DIP2C: variants seen among roughly 807,000 people sequenced by gnomAD.
DIP2C encodes disco-interacting protein 2 homolog C.
In DIP2C, 33 loss-of-function variants were observed where a neutral mutation model predicts 192.4. That is an observed-to-expected ratio of 0.17 (90% CI 0.13 to 0.23). The LOEUF is 0.23. Ranked by LOEUF, DIP2C falls within the 10% of genes least tolerant of loss-of-function variation. DIP2C has a pLI of 1.00. For missense variants in DIP2C, 1,537 were observed against 2,110.1 expected, an observed-to-expected ratio of 0.73 and a Z score of 5.32; for synonymous variants, 979 against 864.1, an observed-to-expected ratio of 1.13 and a Z score of -2.33.
intron 2 of DIP2C, among the ~76,000 whole-genome samples, chr10:484,008 C>G (rs1264260277): frequency 6.6e-6 from 1 of 152,118 alleles, no homozygotes; most frequent in Non-Finnish European, 1.5e-5. Flanking sequence ...CGGGGACTCC[C>G]TTTGTTGCCC....
At chr10:397,707 T>C (rs1235345641) in intron 10 of DIP2C, among the ~76,000 whole-genome samples, 1 of 152,196 alleles carries the variant, frequency 6.6e-6, no homozygotes, top group Non-Finnish European at 1.5e-5. Flanking sequence ...ACTTCATGTC[T>C]CTTACAGTTA....
chr10:472,583 G>T, intron 2 of DIP2C, 34 bp from the exon 3 acceptor site: 2 of 1,565,408 alleles, frequency 1.3e-6, no homozygotes, highest in South Asian at 2.2e-5. Context: ...AGTGAGGTGT[G>T]ACTGTACTCA....
At position 308,708 on chromosome 10, in the gene DIP2C, CCTCCTGAGGG is replaced by C. The variant is rs1227411516; in HGVS notation, c.3986+1313_3986+1322del. ...TGCCTCTGGCCCTCAGCCTGCAGGG[CCTCCTGAGGG>C]CTCCTACGTGGCCACCACTCTTCTG... On this transcript the variant is annotated intron_variant, in intron 32 of 36. Transcript: ENST00000280886. Among the ~76,000 whole-genome samples, 100 of 152,350 alleles carry C rather than the reference CCTCCTGAGGG, an allele frequency of 6.6e-4. 1 individual carries two copies. Among genetic ancestry groups the C allele is most frequent in the Non-Finnish European group, 7.3e-5 (5 of 68,030 alleles).
At chr10:419,673 C>G (rs1486386480) in intron 5 of DIP2C, among the ~76,000 whole-genome samples, 2 of 152,138 alleles carry the variant, frequency 1.3e-5, no homozygotes, top group African/African-American at 4.8e-5. Context: ...TGGCCATGAC[C>G]GTGTAGGGTA....
intron 1 of DIP2C, among the ~76,000 whole-genome samples, chr10:593,492 C>CA (rs1471837571): frequency 8.1e-6 from 1 of 124,174 alleles, no homozygotes; most frequent in Non-Finnish European, 1.7e-5. Flanking sequence ...GGGACCCCCC[C>CA]CCCCCCACCC....
In DIP2C at chr10:428,419, GAT is replaced by G. The variant is rs1381705006; in HGVS notation, c.395-5388_395-5387del. Reference sequence around the variant, plus strand: ...GTGTTTATAAAGGAGATTTTCACCGGATATGAGTTGACAGCCCTTTCTTCTCC... The same window carrying G: ...GTGTTTATAAAGGAGATTTTCACCGGATGAGTTGACAGCCCTTTCTTCTCC... On this transcript the variant is annotated intron_variant, in intron 4 of 36. Coordinates refer to ENST00000280886, the MANE Select transcript of DIP2C (RefSeq NM_014974.3). Among the ~76,000 whole-genome samples, 9 of 152,230 alleles carry G rather than the reference GAT, an allele frequency of 5.9e-5. No individual in the cohort carries two copies. In the East Asian group the frequency reaches 1.2e-3, roughly 20 times the overall value.
chr10:412,161 C>T (rs1418347435), intron 8 of DIP2C, among the ~76,000 whole-genome samples: 3 of 152,222 alleles, frequency 2.0e-5, no homozygotes, highest in Admixed American at 6.5e-5. Flanking sequence ...CAGAGAGTGG[C>T]GATCCTTCTG....
In DIP2C at chr10:283,245, G is replaced by T. The variant is rs757914975; in HGVS notation, c.4294+27C>A. The T allele has an allele frequency of 8.2e-6, 13 of 1,582,710 alleles. No homozygotes were observed. In the East Asian group the frequency reaches 8.9e-5, roughly 11 times the overall value. ...CCTAACCTCTCTGCCCATCTGTTGGGGGGGGGCCGCCAGCCTGGACTCTCA... is the reference window on the plus strand; with the variant it reads ...CCTAACCTCTCTGCCCATCTGTTGGTGGGGGGCCGCCAGCCTGGACTCTCA... On this transcript the variant is annotated intron_variant, in intron 35 of 36. Coordinates refer to ENST00000280886, the MANE Select transcript of DIP2C (RefSeq NM_014974.3).
rs561321322 is a variant in DIP2C at position 544,008 on chromosome 10, G to A, written c.86-57478C>T. On this transcript the variant is annotated intron_variant, in intron 1 of 36. Coordinates refer to ENST00000280886, the MANE Select transcript of DIP2C (RefSeq NM_014974.3). The stretch of plus-strand genomic sequence containing the variant: ...CCTGTCGTGAGTGGGCACATAGTGC[G>A]TGACCTTTGACGTGACCTTTGGTGC... Among the ~76,000 whole-genome samples the A allele has an allele frequency of 3.3e-5, 5 of 152,366 alleles. No homozygotes were observed. In the South Asian group the frequency reaches 6.2e-4, roughly 19 times the overall value.
At chr10:589,626 G>A (rs1246113804) in intron 1 of DIP2C, among the ~76,000 whole-genome samples, 1 of 152,162 alleles carries the variant, frequency 6.6e-6, no homozygotes, top group Non-Finnish European at 1.5e-5. Flanking sequence ...ACTCCACTCT[G>A]TCAGCTAACC....
chr10:378,627 G>A (rs907955662), intron 17 of DIP2C, among the ~76,000 whole-genome samples: 9 of 145,278 alleles, frequency 6.2e-5, no homozygotes, highest in Admixed American at 2.1e-4. Flanking sequence ...AAAGACACAC[G>A]AACACAGACA....
intron 20 of DIP2C, 133 bp downstream of exon 20, chr10:364,241 G>T: frequency 9.8e-7 from 1 of 1,016,040 alleles, no homozygotes; most frequent in Non-Finnish European, 1.4e-6. Flanking sequence ...GAGTCCAGTT[G>T]CTTCAATAAC....
chr10:647,357 C>T (rs951413569), intron 1 of DIP2C, among the ~76,000 whole-genome samples: 8 of 137,174 alleles, frequency 5.8e-5, no homozygotes, highest in African/African-American at 8.3e-5. Flanking sequence ...CCACATTGGA[C>T]GGCGGGAGAG....
chr10:399,776 G>T (rs1016942741), intron 9 of DIP2C, among the ~76,000 whole-genome samples: 1 of 152,054 alleles, frequency 6.6e-6, no homozygotes, highest in Non-Finnish European at 1.5e-5. Flanking sequence ...CACACATGGC[G>T]TGAGTTCGTG....
intron 1 of DIP2C, among the ~76,000 whole-genome samples, chr10:494,374 C>T (rs1195910348): frequency 6.9e-6 from 1 of 145,832 alleles, no homozygotes. Flanking sequence ...CCGGGGCCAA[C>T]AGAGCCTCAA....
intron 3 of DIP2C, among the ~76,000 whole-genome samples, chr10:448,493 G>C (rs1968521415): frequency 6.9e-6 from 1 of 144,892 alleles, no homozygotes; most frequent in African/African-American, 2.6e-5. Flanking sequence ...ATCACACACA[G>C]TGGGGCAGCA....
At chr10:571,962 A>T (rs867843726) in intron 1 of DIP2C, among the ~76,000 whole-genome samples, 47 of 152,268 alleles carry the variant, frequency 3.1e-4, no homozygotes, top group African/African-American at 1.1e-3. Flanking sequence ...AAGAACCATA[A>T]GCATTCCGAA....
Position 356,434 on chromosome 10 carries a change from T to C in DIP2C, c.2977A>G (p.Asn993Asp). 1 of 1,611,526 alleles carries C rather than the reference T, an allele frequency of 6.2e-7. No individual in the cohort carries two copies. Among genetic ancestry groups the C allele is most frequent in the Non-Finnish European group, 8.5e-7 (1 of 1,179,972 alleles). Reference protein sequence around the residue: ...TPDHILYTLLNCRGAIANSLT... With the variant: ...TPDHILYTLLDCRGAIANSLT... ...CCAGCTCCGCGCCTCACCCGACAGT[T>C]GAGCAGCGTGTAGAGGATGTGGTCC... is the stretch of plus-strand genomic sequence containing the variant. Residue 993 changes from asparagine to aspartate, a missense_variant, in exon 24 of 37, where the codon AAC becomes GAC. Around this residue, in one of 4 missense-constraint regions of DIP2C, gnomAD observed 677 missense variants for 989.9 expected, o/e 0.68. Transcript: ENST00000280886.
At chr10:624,088 AG>A (rs1464387709) in intron 1 of DIP2C, among the ~76,000 whole-genome samples, 1 of 152,228 alleles carries the variant, frequency 6.6e-6, no homozygotes, top group East Asian at 1.9e-4. Flanking sequence ...CCTGAGTGCG[AG>A]GACTCGGGAA....
Sources: gnomAD v4.1 joint callset for allele counts (sites outside exome capture counted in the v4.1 genomes callset) on GRCh38, gnomAD v4.1.1 for gene constraint, gnomAD v4.1.1 regional missense constraint, MANE v1.5 for transcripts, NCBI Gene and HGNC (gene_info 2026-07-23, HGNC 2026-07-21) for gene names.